Variants in AMZ2 observed in about 807,000 individuals in gnomAD.
AMZ2 encodes archaemetzincin-2.
AMZ2 carries 26 observed loss-of-function variants against 36.7 expected under a neutral mutation model. The observed-to-expected ratio is 0.71, with a 90% confidence interval of 0.52 to 0.98. AMZ2 has a LOEUF of 0.98. Among genes scored for constraint, AMZ2 ranks in the 50% least tolerant of loss-of-function variants. AMZ2 has a pLI of 0.00. For missense variants in AMZ2, 394 were observed against 430.5 expected (o/e 0.92, Z 0.75); for synonymous variants, 144 against 149.1 (o/e 0.97, Z 0.25).
At chr17:68,211,247 A>T (rs1555725836) in intron 1 of AMZ2, among the ~76,000 whole-genome samples, 1 of 152,166 alleles carries the variant, frequency 6.6e-6, no homozygotes, top group African/African-American at 2.4e-5. Context: ...TCACGCCTGT[A>T]ATCCCAGCGC....
chr17:68,227,553 G>T (rs1414662709), intron 1 of AMZ2, among the ~76,000 whole-genome samples: 4 of 152,188 alleles, frequency 2.6e-5, no homozygotes, highest in Non-Finnish European at 5.9e-5. Context: ...ATCTGTTCCT[G>T]GTCTCTTCCA....
At chr17:68,218,250 T>A (rs1435985919) in intron 1 of AMZ2, among the ~76,000 whole-genome samples, 1 of 152,242 alleles carries the variant, frequency 6.6e-6, no homozygotes, top group Middle Eastern at 3.2e-3. Context: ...CCTGTCAATC[T>A]TTGCTCTGAA....
In AMZ2 at chr17:68,240,859, C is replaced by A. The variant is rs189776250; in HGVS notation, c.-66-7781C>A. ...TGATTTGCAATCTAGAATTCCACAC[C>A]AACCCAGATAAATTCTCAATCAAGT... On this transcript the variant is annotated intron_variant, in intron 1 of 7. Transcript: ENST00000674770. Among the ~76,000 whole-genome samples, 142 of 152,206 alleles carry A rather than the reference C, an allele frequency of 9.3e-4. 4 individuals are homozygous for A. The highest frequency in any genetic ancestry group is 4.4e-5 in the Non-Finnish European group (3 of 68,006).
At chr17:68,209,760 A>G (rs1454211008) in intron 1 of AMZ2, among the ~76,000 whole-genome samples, 1 of 150,174 alleles carries the variant, frequency 6.7e-6, no homozygotes, top group Non-Finnish European at 1.5e-5. Flanking sequence ...AGCTGGGATT[A>G]CAGGTGCCTG....
rs781797238 is a variant in AMZ2 at position 68,251,007 on chromosome 17, A to G, written c.457+40A>G. On this transcript the variant is annotated intron_variant, in intron 3 of 6. Transcript: ENST00000359904. ...TTTGCAATTCGAACTGAGTATATGT[A>G]TATAATATACACTCATACATTTATG... 4.3e-5 allele frequency: 69 copies of G among 1,608,456 alleles called. No individual in the cohort carries two copies. In the East Asian group the frequency reaches 1.4e-3, roughly 33 times the overall value.
At position 68,255,717 on chromosome 17, in the gene AMZ2, C is replaced by T. The variant is rs138911562; in HGVS notation, c.768C>T (p.Ile256=). The change falls in exon 6 of 7, where the codon ATC becomes ATT. Residue 256 remains isoleucine (I), a synonymous_variant. Coordinates refer to ENST00000359904, the MANE Select transcript of AMZ2 (RefSeq NM_016627.5). ...TCTTGCAGACTTTAACCCATGAGATCGGACACATATTTGGACTGCGACACT... is the reference window on the plus strand; with the variant it reads ...TCTTGCAGACTTTAACCCATGAGATTGGACACATATTTGGACTGCGACACT... ...LRSCKTLTHE[I]GHIFGLRHCQ... is the part of the protein sequence containing the mutation. 386 of 1,613,920 alleles carry T rather than the reference C, an allele frequency of 2.4e-4. 1 individual carries two copies. Among genetic ancestry groups the T allele is most frequent in the Non-Finnish European group, 3.1e-4 (367 of 1,179,948 alleles).
intron 1 of AMZ2, among the ~76,000 whole-genome samples, chr17:68,209,385 G>A (rs1599251356): frequency 4.6e-5 from 7 of 151,542 alleles, no homozygotes; most frequent in Admixed American, 6.6e-5. Flanking sequence ...GTAGAGATGG[G>A]GTTTCACTAT....
upstream of AMZ2, chr17:68,247,942 A>G: frequency 1.0e-6 from 1 of 984,494 alleles, no homozygotes; most frequent in Admixed American, 6.1e-5. Flanking sequence ...GGGGCGTGGC[A>G]TGGGTGGGTC....
chr17:68,225,868 C>T (rs1296890835), intron 1 of AMZ2, among the ~76,000 whole-genome samples: 2 of 152,156 alleles, frequency 1.3e-5, no homozygotes, highest in East Asian at 1.9e-4. Context: ...AAGTGATCCA[C>T]CCACCTTGGC....
chr17:68,206,533 T>C (rs2072840423), intron 1 of AMZ2: 1 of 157,538 alleles, frequency 6.3e-6, no homozygotes, highest in South Asian at 2.0e-4. Context: ...CAGTGCAGTG[T>C]CTCCACCGGG....
At chr17:68,250,683 T>C in intron 2 of AMZ2, 111 bp from the exon 3 acceptor site, 1 of 1,223,600 alleles carries the variant, frequency 8.2e-7, no homozygotes, top group Non-Finnish European at 1.1e-6. Context: ...TAAAGGTTAT[T>C]GAAAATTTAG....
upstream of AMZ2, among the ~76,000 whole-genome samples, chr17:68,245,200 T>TA (rs71355810): frequency 0.11 from 15,519 of 141,540 alleles, 875 homozygotes; most frequent in Non-Finnish European, 0.13. Context: ...CCTTCTAATG[T>TA]AAAAAAAAAA....
At chr17:68,214,994 G>A (rs1555726890) in intron 1 of AMZ2, among the ~76,000 whole-genome samples, 2 of 152,160 alleles carry the variant, frequency 1.3e-5, no homozygotes, top group Non-Finnish European at 2.9e-5. Flanking sequence ...ATGTTACTCA[G>A]GCTGGTCTCG....
At chr17:68,224,812 C>CTTT (rs2073470277) in intron 1 of AMZ2, among the ~76,000 whole-genome samples, 1 of 150,846 alleles carries the variant, frequency 6.6e-6, no homozygotes, top group East Asian at 1.9e-4. Context: ...TTTTTGCCTG[C>CTTT]CTTCTTTCCT....
intron 1 of AMZ2, among the ~76,000 whole-genome samples, chr17:68,229,057 C>T (rs782719678): frequency 3.3e-5 from 5 of 152,218 alleles, no homozygotes; most frequent in Non-Finnish European, 2.9e-5. Context: ...GAAGCCTTGG[C>T]AGCTGCCCTT....
intron 1 of AMZ2, among the ~76,000 whole-genome samples, chr17:68,233,487 G>A (rs1273709938): frequency 7.0e-6 from 1 of 141,950 alleles, no homozygotes; most frequent in South Asian, 2.2e-4. Flanking sequence ...CTAACCTGCC[G>A]ACAAGAGCGA....
At chr17:68,209,245 G>A (rs2072941985) in intron 1 of AMZ2, among the ~76,000 whole-genome samples, 1 of 150,764 alleles carries the variant, frequency 6.6e-6, no homozygotes, top group Non-Finnish European at 1.5e-5. Flanking sequence ...CTAGGCTGGA[G>A]TGCAATGGCG....
At chr17:68,221,818 T>C (rs1770710839) in intron 1 of AMZ2, among the ~76,000 whole-genome samples, 1 of 151,932 alleles carries the variant, frequency 6.6e-6, no homozygotes, top group Non-Finnish European at 1.5e-5. Flanking sequence ...CATTTGAACC[T>C]GGGAGGTGGT....
chr17:68,233,574 C>T (rs751554293), intron 1 of AMZ2, among the ~76,000 whole-genome samples: 6 of 151,078 alleles, frequency 4.0e-5, no homozygotes, highest in Admixed American at 6.6e-5. Context: ...AGGTGCTGAT[C>T]TATGAACCTA....
Sources: allele counts gnomAD v4.1 joint callset (sites outside exome capture counted in the v4.1 genomes callset), GRCh38; gene constraint gnomAD v4.1.1; transcripts MANE v1.5; gene names NCBI Gene and HGNC (gene_info 2026-07-23, HGNC 2026-07-21).